Variants in ADGRL2 observed in about 807,000 individuals in gnomAD.
ADGRL2 encodes the protein calcium-independent alpha-latrotoxin receptor 2.
In ADGRL2, 44 loss-of-function variants were observed where a neutral mutation model predicts 157.4. The ratio of observed to expected loss-of-function variants is 0.28; its 90% CI spans 0.22 to 0.36. The LOEUF (loss-of-function observed/expected upper bound fraction) is 0.36. ADGRL2 is among the 10% of genes least tolerant of loss of function. The pLI is 1.00. For synonymous variants in ADGRL2, 585 were observed against 624.7 expected, an observed-to-expected ratio of 0.94 and a Z score of 0.95; for missense variants, 1,510 against 1,768.9, an observed-to-expected ratio of 0.85 and a Z score of 2.63.
At chr1:81,574,228 G>A (rs2148509345) in intron 2 of ADGRL2, among the ~76,000 whole-genome samples, 2 of 151,848 alleles carry the variant, frequency 1.3e-5, no homozygotes, top group Middle Eastern at 3.4e-3. Context: ...GGGTGGTGGG[G>A]GAGGGGGAGG....
intron 3 of ADGRL2, among the ~76,000 whole-genome samples, chr1:81,675,415 A>G (rs1440504790): frequency 6.6e-6 from 1 of 152,194 alleles, no homozygotes; most frequent in African/African-American, 2.4e-5. Flanking sequence ...CCTTAATTCT[A>G]ATGGACTCCA....
intron 2 of ADGRL2, among the ~76,000 whole-genome samples, chr1:81,786,711 C>A (rs1407356667): frequency 6.6e-6 from 1 of 152,194 alleles, no homozygotes; most frequent in Non-Finnish European, 1.5e-5. Context: ...CTGGGGCCAT[C>A]AACTACTTCT....
intron 1 of ADGRL2, among the ~76,000 whole-genome samples, chr1:81,728,719 C>G (rs1193925654): frequency 6.6e-6 from 1 of 152,170 alleles, no homozygotes; most frequent in East Asian, 1.9e-4. Flanking sequence ...TTCTCTTGCT[C>G]TTGCCCCCAC....
At chr1:81,351,777 T>G (rs2100838014) in intron 1 of ADGRL2, among the ~76,000 whole-genome samples, 1 of 152,364 alleles carries the variant, frequency 6.6e-6, no homozygotes, top group South Asian at 2.1e-4. Flanking sequence ...GCGACTGTAC[T>G]TGCTTTTTAA....
chr1:81,763,521 G>A (rs542798676), intron 2 of ADGRL2, among the ~76,000 whole-genome samples: 10 of 150,974 alleles, frequency 6.6e-5, no homozygotes, highest in African/African-American at 9.7e-5. Flanking sequence ...CCCAGGAGGC[G>A]GAGGTTGCAG....
chr1:81,842,043 A>T (rs1348036627), intron 2 of ADGRL2, among the ~76,000 whole-genome samples: 1 of 152,110 alleles, frequency 6.6e-6, no homozygotes, highest in Admixed American at 6.6e-5. Context: ...ATTAGTTAAC[A>T]TTGCTGACAA....
intron 3 of ADGRL2, among the ~76,000 whole-genome samples, chr1:81,912,172 A>C (rs2094743226): frequency 6.6e-6 from 1 of 151,826 alleles, no homozygotes; most frequent in Non-Finnish European, 1.5e-5. Context: ...CCTGGGTTCA[A>C]GCAATTCCCC....
chr1:81,776,457 G>A (rs1452135525), intron 2 of ADGRL2, among the ~76,000 whole-genome samples: 1 of 152,142 alleles, frequency 6.6e-6, no homozygotes, highest in Non-Finnish European at 1.5e-5. Flanking sequence ...AAAGTGCTGG[G>A]ATTATAGGCA....
At position 81,575,463 on chromosome 1, in the gene ADGRL2, G is replaced by A. The variant is rs115071320; in HGVS notation, c.-247-5413G>A. Among the ~76,000 whole-genome samples the A allele has an allele frequency of 9.6e-3, 1,383 of 143,530 alleles. 21 individuals are homozygous for A. The highest frequency in any genetic ancestry group is 0.032 in the African/African-American group (1,317 of 40,984). 94.2% of individuals were successfully genotyped at this position (143,530 alleles called of 152,430 possible). On this transcript the variant is annotated intron_variant, in intron 2 of 24. Coordinates refer to the ADGRL2 transcript ENST00000370721. ...AATCATTTCGTATAAATCACTGTTA[G>A]CGGCAGTATCTAATAGTGCTACTAT...
intron 1 of ADGRL2, chr1:81,722,618 C>A (rs565181207): frequency 2.1e-6 from 3 of 1,430,478 alleles, no homozygotes; most frequent in South Asian, 2.3e-5. Context: ...CTTGCCCTTG[C>A]CTGTAAATTG....
At chr1:81,911,972 A>G (rs962366425) in intron 3 of ADGRL2, among the ~76,000 whole-genome samples, 1 of 151,876 alleles carries the variant, frequency 6.6e-6, no homozygotes, top group Non-Finnish European at 1.5e-5. Context: ...GCTCCTTCAA[A>G]GCTTTTAACC....
chr1:81,676,689 T>C (rs2148936961), intron 3 of ADGRL2, among the ~76,000 whole-genome samples: 1 of 151,972 alleles, frequency 6.6e-6, no homozygotes, highest in East Asian at 1.9e-4. Context: ...TTTATTTTAT[T>C]TTATTTTATT....
intron 3 of ADGRL2, among the ~76,000 whole-genome samples, chr1:81,606,497 G>GAA (rs146479000): frequency 6.7e-6 from 1 of 149,296 alleles, no homozygotes; most frequent in Non-Finnish European, 1.5e-5. Flanking sequence ...TCATGCACAT[G>GAA]CACACACACA....
intron 1 of ADGRL2, among the ~76,000 whole-genome samples, chr1:81,718,106 G>T (rs1017316747): frequency 6.6e-6 from 1 of 152,092 alleles, no homozygotes; most frequent in East Asian, 1.9e-4. Flanking sequence ...TCCAACCTCC[G>T]CCTCTCGGGT....
In ADGRL2 at chr1:81,928,160, G is replaced by A. The variant is rs538790919; in HGVS notation, c.288-8568G>A. On this transcript the variant is annotated intron_variant, in intron 3 of 23. Transcript: ENST00000686636. Reference sequence around the variant, plus strand: ...CTAAATTTGGACTAAAAAAGACAGTGGCTAGAGTACTAAGTCAGTTGGAAT... The same window carrying A: ...CTAAATTTGGACTAAAAAAGACAGTAGCTAGAGTACTAAGTCAGTTGGAAT... Among the ~76,000 whole-genome samples, 12 of 152,148 alleles carry A rather than the reference G, an allele frequency of 7.9e-5. No individual in the cohort carries two copies. The East Asian group carries it at 2.3e-3, about 29-fold the overall frequency.
intron 1 of ADGRL2, among the ~76,000 whole-genome samples, chr1:81,337,829 T>G (rs989556840): frequency 1.3e-5 from 2 of 152,108 alleles, no homozygotes; most frequent in Admixed American, 1.3e-4. Context: ...TTCCAGCCCT[T>G]TGAGGTTCTG....
intron 1 of ADGRL2, among the ~76,000 whole-genome samples, chr1:81,725,343 G>C (rs2084485914): frequency 6.6e-6 from 1 of 151,732 alleles, no homozygotes; most frequent in South Asian, 2.1e-4. Flanking sequence ...TTTGAGACCA[G>C]TCTGGCCAAC....
intron 3 of ADGRL2, among the ~76,000 whole-genome samples, chr1:81,677,123 T>C (rs994754886): frequency 3.9e-5 from 6 of 152,036 alleles, no homozygotes; most frequent in African/African-American, 1.5e-4. Flanking sequence ...GTAGCTGGGA[T>C]TACCAGCATG....
chr1:81,824,948 C>CTCT (rs376218878), intron 1 of ADGRL2, among the ~76,000 whole-genome samples: 1 of 127,976 alleles, frequency 7.8e-6, no homozygotes, highest in Non-Finnish European at 1.6e-5. Flanking sequence ...TTTTAATTCT[C>CTCT]CTCTCTCTCT....
Sources: gnomAD v4.1 joint callset for allele counts (sites outside exome capture counted in the v4.1 genomes callset) on GRCh38, gnomAD v4.1.1 for gene constraint, MANE v1.5 for transcripts, NCBI Gene and HGNC (gene_info 2026-07-23, HGNC 2026-07-21) for gene names.